MAGEC3: variants seen among roughly 807,000 people sequenced by gnomAD.
The protein encoded by MAGEC3 is MAGE family member C3.
MAGEC3 carries 34 observed loss-of-function variants against 35.3 expected under a neutral mutation model. The ratio of observed to expected loss-of-function variants is 0.96; its 90% CI spans 0.73 to 1.28. The LOEUF (loss-of-function observed/expected upper bound fraction) is 1.28. Among genes scored for constraint, MAGEC3 ranks in the 50% most tolerant of loss-of-function variants. The pLI, the probability that MAGEC3 is intolerant of heterozygous loss-of-function variation, is 0.00. For missense variants in MAGEC3, 561 were observed against 483.6 expected, an observed-to-expected ratio of 1.16 and a Z score of -1.50; for synonymous variants, 202 against 185.6, an observed-to-expected ratio of 1.09 and a Z score of -0.72.
At chrX:141,888,012 G>A (rs1333247908) in intron 4 of MAGEC3, among the ~76,000 whole-genome samples, 1 of 112,096 alleles carries the variant, frequency 8.9e-6, no homozygotes, top group African/African-American at 3.2e-5. Flanking sequence ...GCCATAAAAT[G>A]GGTCATGCAC....
At position 141,897,098 on chromosome X, in the gene MAGEC3, A is replaced by G. The variant is rs1407505408; in HGVS notation, c.1340A>G (p.Glu447Gly). 1.7e-6 allele frequency: 2 copies of G among 1,211,890 alleles called. No individual in the cohort carries two copies. Among genetic ancestry groups the G allele is most frequent in the Non-Finnish European group, 2.2e-6 (2 of 895,486 alleles). The change falls in exon 7 of 8, where the codon GAA (glutamate) becomes GGA (glycine). Residue 447 changes from glutamate (E) to glycine (G), a missense_variant. Transcript: ENST00000298296. ...ACAGCTACTTGGCATGCCTTGCCAG[A>G]AAGTGAATCCTTGCCCAGGTATGCC... ...EDTATWHALPESESLPRYALD... is the reference protein window; with the variant it reads ...EDTATWHALPGSESLPRYALD...
chrX:141,864,316 C>CAAAAAA (rs3972654), intron 1 of MAGEC3, among the ~76,000 whole-genome samples: 1 of 32,265 alleles, frequency 3.1e-5, no homozygotes, highest in African/African-American at 8.0e-5. Context: ...CTCATCTCTA[C>CAAAAAA]AAAAAAAAAA....
At chrX:141,857,482 T>G (rs191676239) in intron 1 of MAGEC3, among the ~76,000 whole-genome samples, 1 of 111,436 alleles carries the variant, frequency 9.0e-6, no homozygotes, top group Non-Finnish European at 1.9e-5. Flanking sequence ...TCCTTTCATG[T>G]CCTAGTAGTG....
At chrX:141,841,555 T>C (rs781128868) in intron 1 of MAGEC3, among the ~76,000 whole-genome samples, 1 of 111,779 alleles carries the variant, frequency 8.9e-6, no homozygotes, top group East Asian at 2.8e-4. Flanking sequence ...TGTTTATGTG[T>C]TTATTTTCTT....
intron 4 of MAGEC3, among the ~76,000 whole-genome samples, chrX:141,887,115 G>A (rs1424916605): frequency 2.7e-5 from 3 of 112,378 alleles, no homozygotes; most frequent in South Asian, 7.3e-4. Context: ...CTGATACCTG[G>A]GATGCAGCCA....
At chrX:141,852,152 A>G (rs1418640362) in intron 1 of MAGEC3, among the ~76,000 whole-genome samples, 4 of 102,146 alleles carry the variant, frequency 3.9e-5, no homozygotes, top group African/African-American at 1.4e-4. Context: ...TAAGCATTGT[A>G]ATTCTTTACT....
chrX:141,864,814 A>G (rs2017838060), intron 1 of MAGEC3, among the ~76,000 whole-genome samples: 1 of 111,994 alleles, frequency 8.9e-6, no homozygotes, highest in South Asian at 3.7e-4. Flanking sequence ...AAATAAAAGA[A>G]ATTTCCAGAT....
intron 1 of MAGEC3, among the ~76,000 whole-genome samples, chrX:141,854,751 G>A (rs1184908957): frequency 3.6e-5 from 4 of 111,196 alleles, no homozygotes; most frequent in African/African-American, 1.3e-4. Flanking sequence ...GCCAGAAAAC[G>A]GATTAATATG....
chrX:141,880,053 C>T (rs916386387), intron 3 of MAGEC3, among the ~76,000 whole-genome samples: 2 of 110,403 alleles, frequency 1.8e-5, no homozygotes, highest in Non-Finnish European at 3.8e-5. Flanking sequence ...TGAGCGGCAG[C>T]CCTCTCATTG....
chrX:141,838,365 G>A lies in MAGEC3; in HGVS notation c.50G>A (p.Ser17Asn). The A allele has an allele frequency of 1.7e-6, 2 of 1,211,302 alleles. No individual in the cohort carries two copies. The highest frequency in any genetic ancestry group is 2.2e-6 in the Non-Finnish European group (2 of 895,058). ...WVLDATFSDG[S>N]LGQWVKNTCA... Reference sequence around the variant, plus strand: ...TTGGATGCCACCTTCAGTGATGGCAGTCTAGGCCAGTGGGTGAAAAACACA... The same window carrying A: ...TTGGATGCCACCTTCAGTGATGGCAATCTAGGCCAGTGGGTGAAAAACACA... The change falls in exon 1 of 8, where the codon AGT becomes AAT. Residue 17 changes from serine (S) to asparagine (N), a missense_variant. Ser to Asn is a conservative substitution (Grantham distance 46). Coordinates refer to ENST00000298296, the MANE Select transcript of MAGEC3 (RefSeq NM_138702.1).
At chrX:141,864,849 C>T (rs747862373) in intron 1 of MAGEC3, among the ~76,000 whole-genome samples, 1 of 112,005 alleles carries the variant, frequency 8.9e-6, no homozygotes, top group African/African-American at 3.2e-5. Flanking sequence ...TTTACATTCA[C>T]ACAGGAAACA....
chrX:141,872,460 A>G (rs756928088), intron 2 of MAGEC3, among the ~76,000 whole-genome samples: 1 of 111,138 alleles, frequency 9.0e-6, no homozygotes, highest in Non-Finnish European at 1.9e-5. Flanking sequence ...CTCTTTCTGA[A>G]AGAGGACAGT....
intron 2 of MAGEC3, among the ~76,000 whole-genome samples, chrX:141,874,714 AAGAAC>A (rs2017909252): frequency 9.0e-6 from 1 of 111,178 alleles, no homozygotes; most frequent in South Asian, 3.8e-4. Flanking sequence ...CAGGAGGCTG[AAGAAC>A]AGGTACCCTC....
At chrX:141,866,113 G>A (rs1442097700) in intron 2 of MAGEC3, among the ~76,000 whole-genome samples, 2 of 111,425 alleles carry the variant, frequency 1.8e-5, no homozygotes, top group African/African-American at 6.5e-5. Context: ...AATCCAGTCC[G>A]TTTCCACTCT....
chrX:141,843,768 G>A (rs1481752428), intron 1 of MAGEC3, among the ~76,000 whole-genome samples: 1 of 110,371 alleles, frequency 9.1e-6, no homozygotes, highest in East Asian at 2.9e-4. Context: ...GCCCCCATAG[G>A]GTTTTTGATG....
rs141310756 is a variant in MAGEC3, at chrX:141,847,186, T to A, written c.123+8748T>A. 6.0e-3 allele frequency among the ~76,000 whole-genome samples: 671 copies of A among 110,960 alleles called. 3 individuals are homozygous for A. The highest frequency in any genetic ancestry group is 0.021 in the African/African-American group (631 of 30,717). On this transcript the variant is annotated intron_variant, in intron 1 of 7. Coordinates refer to ENST00000298296, the MANE Select transcript of MAGEC3 (RefSeq NM_138702.1). ...ATTTCCAACTGTGTTGTAGGACACA[T>A]TGGGTTTCTGAGGCTGTTGCATGAG... is the stretch of plus-strand genomic sequence containing the variant.
chrX:141,869,053 T>C (rs1233910025), intron 2 of MAGEC3, among the ~76,000 whole-genome samples: 1 of 108,004 alleles, frequency 9.3e-6, no homozygotes, highest in African/African-American at 3.4e-5. Context: ...GGCTAATTTT[T>C]TTTTGCATTT....
At chrX:141,893,512 T>G (rs1401706826) in intron 4 of MAGEC3, among the ~76,000 whole-genome samples, 1 of 110,922 alleles carries the variant, frequency 9.0e-6, no homozygotes, top group Non-Finnish European at 1.9e-5. Flanking sequence ...TATCAAAACC[T>G]ACAGCATCCC....
At chrX:141,887,775 T>C (rs2018013369) in intron 4 of MAGEC3, among the ~76,000 whole-genome samples, 2 of 111,856 alleles carry the variant, frequency 1.8e-5, no homozygotes, top group Admixed American at 9.5e-5. Context: ...CGGATAGGGA[T>C]GCTGTTTAAA....
Sources: gnomAD v4.1 joint callset for allele counts (sites outside exome capture counted in the v4.1 genomes callset) on GRCh38, gnomAD v4.1.1 for gene constraint, MANE v1.5 for transcripts, NCBI Gene and HGNC (gene_info 2026-07-23, HGNC 2026-07-21) for gene names.